TXNDC16: variants seen among roughly 807,000 people sequenced by gnomAD.
TXNDC16 encodes the protein thioredoxin domain-containing protein 16.
TXNDC16 carries 74 observed loss-of-function variants against 85.6 expected under a neutral mutation model. The ratio of observed to expected loss-of-function variants is 0.86; its 90% CI spans 0.72 to 1.05. The LOEUF is 1.05. TXNDC16 is among the 50% of genes least tolerant of loss of function. The probability of loss-of-function intolerance (pLI) is 0.00; values close to 1 mark genes in which losing one functional copy is unlikely to be tolerated. For missense variants in TXNDC16, 959 were observed against 947.0 expected (o/e 1.01, Z -0.17); for synonymous variants, 335 against 326.5 (o/e 1.03, Z -0.28).
intron 14 of TXNDC16, among the ~76,000 whole-genome samples, chr14:52,472,190 T>G (rs920125207): frequency 6.8e-6 from 1 of 147,612 alleles, no homozygotes; most frequent in African/African-American, 2.5e-5. Context: ...TAGTCTGTCT[T>G]TTTTTTTTTT....
At chr14:52,526,805 C>T (rs1009453995) in intron 6 of TXNDC16, among the ~76,000 whole-genome samples, 1 of 152,200 alleles carries the variant, frequency 6.6e-6, no homozygotes, top group Non-Finnish European at 1.5e-5. Context: ...TCAGCTCTAA[C>T]CCTCAGTCTC....
intron 20 of TXNDC16, among the ~76,000 whole-genome samples, chr14:52,433,424 G>A (rs922550037): frequency 2.0e-5 from 3 of 152,008 alleles, no homozygotes; most frequent in African/African-American, 4.8e-5. Context: ...AACTATATAA[G>A]GAAATGTACA....
intron 14 of TXNDC16, among the ~76,000 whole-genome samples, chr14:52,479,909 T>C (rs190077247): frequency 5.3e-5 from 8 of 151,832 alleles, no homozygotes; most frequent in African/African-American, 1.9e-4. Context: ...TCACATTACC[T>C]ATTTGAAACT....
chr14:52,549,676 C>A (rs1242314972), intron 1 of TXNDC16, among the ~76,000 whole-genome samples: 1 of 144,592 alleles, frequency 6.9e-6, no homozygotes, highest in Non-Finnish European at 1.5e-5. Context: ...GAGTCTCTGT[C>A]ACCCAGGCTG....
At chr14:52,496,481 G>GC (rs2036536728) in intron 9 of TXNDC16, among the ~76,000 whole-genome samples, 1 of 146,458 alleles carries the variant, frequency 6.8e-6, no homozygotes, top group South Asian at 2.2e-4. Context: ...GCCTTTTCCT[G>GC]CCCCTCAAAA....
chr14:52,504,932 TA>T (rs1257944003), intron 9 of TXNDC16, among the ~76,000 whole-genome samples: 3 of 152,064 alleles, frequency 2.0e-5, no homozygotes, highest in Non-Finnish European at 2.9e-5. Context: ...TAGACTCTGA[TA>T]AAACAGACTT....
At chr14:52,467,746 G>T (rs530489110) in intron 16 of TXNDC16, among the ~76,000 whole-genome samples, 2 of 152,148 alleles carry the variant, frequency 1.3e-5, no homozygotes, top group Admixed American at 1.3e-4. Flanking sequence ...CCACTTCTCA[G>T]TATGTACTCA....
chr14:52,519,407 C>A, intron 6 of TXNDC16, 114 bp from the exon 7 acceptor site: 1 of 743,802 alleles, frequency 1.3e-6, no homozygotes, highest in Non-Finnish European at 2.2e-6. Flanking sequence ...AATAAATTAT[C>A]AGTAGTAATA....
chr14:52,528,830 G>GGT lies in TXNDC16; in HGVS notation c.392+7887_392+7888dup, dbSNP rs1049138577. Reference sequence around the variant, plus strand: ...TATACTGGTATATATATTATACCTAGGTATATATATATATATGTGTGTGTG... The same window carrying GGT: ...TATACTGGTATATATATTATACCTAGGTGTATATATATATATATGTGTGTGTG... On this transcript the variant is annotated intron_variant, in intron 6 of 20. Coordinates refer to ENST00000281741, the MANE Select transcript of TXNDC16 (RefSeq NM_020784.3). Among the ~76,000 whole-genome samples, 14 of 126,572 alleles carry GGT rather than the reference G, an allele frequency of 1.1e-4. 1 individual carries two copies. The highest frequency in any genetic ancestry group is 7.2e-4 in the East Asian group (3 of 4,152). The allele number at this position is 126,572 out of a possible 152,430, so 83.0% of individuals were successfully genotyped here.
intron 9 of TXNDC16, among the ~76,000 whole-genome samples, chr14:52,494,831 T>C (rs2036494696): frequency 6.6e-6 from 1 of 152,244 alleles, no homozygotes; most frequent in Non-Finnish European, 1.5e-5. Flanking sequence ...TTAAGCATGT[T>C]TTCCCAGATG....
intron 16 of TXNDC16, among the ~76,000 whole-genome samples, chr14:52,461,648 G>C (rs967473657): frequency 1.3e-5 from 2 of 152,186 alleles, no homozygotes; most frequent in Admixed American, 1.3e-4. Context: ...ACAGAAGACA[G>C]AGCTGTGAAG....
chr14:52,471,921 T>G (rs1279562763), intron 14 of TXNDC16, among the ~76,000 whole-genome samples: 1 of 150,266 alleles, frequency 6.7e-6, no homozygotes, highest in Non-Finnish European at 1.5e-5. Flanking sequence ...CTCGAAAGAA[T>G]AAATTCTAAT....
chr14:52,440,740 A>G lies in TXNDC16; in HGVS notation c.1843-16T>C. ...TGATTTCCGGCTGTCAAAGAAAAGGAATAACAACAATAAAAAATGCATTGG... is the reference window on the plus strand; with the variant it reads ...TGATTTCCGGCTGTCAAAGAAAAGGGATAACAACAATAAAAAATGCATTGG... On this transcript the variant is annotated splice_polypyrimidine_tract_variant and intron_variant, in intron 18 of 20. Transcript: ENST00000281741. 1 of 1,599,868 alleles carries G rather than the reference A, an allele frequency of 6.3e-7. No homozygotes were observed. The highest frequency in any genetic ancestry group is 8.5e-7 in the Non-Finnish European group (1 of 1,176,022).
chr14:52,548,632 A>G (rs1336132340), intron 1 of TXNDC16, among the ~76,000 whole-genome samples: 1 of 152,186 alleles, frequency 6.6e-6, no homozygotes, highest in African/African-American at 2.4e-5. Context: ...CTGTAATCCC[A>G]GCACTTTGGG....
chr14:52,474,359 A>G (rs1218695983), intron 14 of TXNDC16, among the ~76,000 whole-genome samples: 1 of 152,230 alleles, frequency 6.6e-6, no homozygotes, highest in Non-Finnish European at 1.5e-5. Flanking sequence ...TAGAGAATCT[A>G]AAAGAAGAAA....
intron 20 of TXNDC16, among the ~76,000 whole-genome samples, chr14:52,433,508 G>T (rs994630279): frequency 6.6e-6 from 1 of 152,070 alleles, no homozygotes; most frequent in Non-Finnish European, 1.5e-5. Flanking sequence ...AATAATAAAT[G>T]CTCATAAGAT....
intron 6 of TXNDC16, among the ~76,000 whole-genome samples, chr14:52,535,650 G>A (rs1346992904): frequency 1.3e-5 from 2 of 152,186 alleles, no homozygotes; most frequent in African/African-American, 4.8e-5. Context: ...GAGAATATCA[G>A]ACTTAATTCA....
rs1169963487 is a variant in TXNDC16, at chr14:52,482,076, C to T, written c.1312+154G>A. ...AAATCAAAGTGAATGCTCCTAAGCA[C>T]TCTTGAAACTCCTGGTTCATTAACT... On this transcript the variant is annotated intron_variant, in intron 14 of 20. Coordinates refer to ENST00000281741, the MANE Select transcript of TXNDC16 (RefSeq NM_020784.3). Among the ~76,000 whole-genome samples the T allele has an allele frequency of 3.3e-5, 5 of 152,122 alleles. No individual in the cohort carries two copies. In the East Asian group the frequency reaches 9.6e-4, roughly 29 times the overall value.
chr14:52,528,354 G>C (rs1244611600), intron 6 of TXNDC16, among the ~76,000 whole-genome samples: 1 of 152,078 alleles, frequency 6.6e-6, no homozygotes, highest in African/African-American at 2.4e-5. Flanking sequence ...TCATAGACAA[G>C]TATTTTGAGA....
Sources: allele counts gnomAD v4.1 joint callset (sites outside exome capture counted in the v4.1 genomes callset), GRCh38; gene constraint gnomAD v4.1.1; transcripts MANE v1.5; gene names NCBI Gene and HGNC (gene_info 2026-07-23, HGNC 2026-07-21).